Variants in ASCC3 observed in about 807,000 individuals in gnomAD.
The protein encoded by ASCC3 is activating signal cointegrator 1 complex subunit 3, also known as ASC-1 complex subunit P200.
In ASCC3, 158 loss-of-function variants were observed where a neutral mutation model predicts 256.3. That is an observed-to-expected ratio of 0.62 (90% CI 0.54 to 0.70). The LOEUF (loss-of-function observed/expected upper bound fraction) is 0.70. Ranked by LOEUF, ASCC3 falls within the 30% of genes least tolerant of loss-of-function variation. The probability of loss-of-function intolerance (pLI) is 0.00; values close to 1 mark genes in which losing one functional copy is unlikely to be tolerated. For missense variants in ASCC3, 2,259 were observed against 2,626.0 expected, an observed-to-expected ratio of 0.86 and a Z score of 3.05; for synonymous variants, 948 against 883.4, an observed-to-expected ratio of 1.07 and a Z score of -1.30.
At chr6:100,564,820 T>C (rs1770146575) in intron 36 of ASCC3, among the ~76,000 whole-genome samples, 1 of 152,064 alleles carries the variant, frequency 6.6e-6, no homozygotes, top group Admixed American at 6.6e-5. Context: ...CTAGAGGAAC[T>C]AACTAGGAAA....
chr6:100,773,799 A>G (rs1782048916), intron 8 of ASCC3, among the ~76,000 whole-genome samples: 1 of 152,190 alleles, frequency 6.6e-6, no homozygotes, highest in South Asian at 2.1e-4. Context: ...AAAAAGAACT[A>G]TAATTAAATG....
chr6:100,715,330 A>G (rs1779040356), intron 13 of ASCC3, 132 bp downstream of exon 13: 1 of 716,584 alleles, frequency 1.4e-6, no homozygotes, highest in East Asian at 2.8e-5. Context: ...ATTAAGAATT[A>G]GAACCTCTGA....
intron 10 of ASCC3, among the ~76,000 whole-genome samples, chr6:100,754,853 T>C (rs1033927059): frequency 5.9e-5 from 9 of 152,064 alleles, no homozygotes; most frequent in Admixed American, 5.9e-4. Context: ...AGTGAATAAG[T>C]CTCACGAGAT....
At position 100,661,835 on chromosome 6, in the gene ASCC3, C is replaced by G. The variant is rs754074640; in HGVS notation, c.2674G>C (p.Glu892Gln). 4.3e-6 allele frequency: 7 copies of G among 1,613,162 alleles called. No individual in the cohort carries two copies. Among genetic ancestry groups the G allele is most frequent in the Middle Eastern group, 1.7e-4 (1 of 6,060 alleles). Residue 892 changes from glutamate to glutamine, a missense_variant, in exon 16 of 42, where the codon GAA (glutamate) becomes CAA (glutamine). By Grantham distance (29) the Glu-to-Gln change is conservative. This residue lies in a region of ASCC3 where 1,839 missense variants were observed against 2,206.7 expected (regional missense o/e 0.83). Transcript: ENST00000369162. ...GCATTTAGGTTATCTGCAAGGCTTT[C>G]CAGAAACTGACTCTCAATTGGGTTT... The part of the protein sequence containing the change: ...QRNPIESQFL[E>Q]SLADNLNAEI...
intron 4 of ASCC3, among the ~76,000 whole-genome samples, chr6:100,838,232 A>G (rs1382085037): frequency 6.6e-6 from 1 of 152,068 alleles, no homozygotes; most frequent in Non-Finnish European, 1.5e-5. Context: ...ATTTTAAAAT[A>G]TGCATATTGA....
chr6:100,825,034 A>G lies in ASCC3; in HGVS notation c.802-19154T>C, dbSNP rs1190805805. 2.6e-5 allele frequency among the ~76,000 whole-genome samples: 4 copies of G among 152,180 alleles called. No homozygotes were observed. In the East Asian group the frequency reaches 5.8e-4, roughly 22 times the overall value. ...ATTCCAAAGGATGCTACAATGATTG[A>G]ACCATATTTATTGAGTTTTGAATTA... On this transcript the variant is annotated intron_variant, in intron 4 of 41. Coordinates refer to ENST00000369162, the MANE Select transcript of ASCC3 (RefSeq NM_006828.4).
At chr6:100,646,041 T>C (rs1775363446) in intron 22 of ASCC3, among the ~76,000 whole-genome samples, 1 of 152,048 alleles carries the variant, frequency 6.6e-6, no homozygotes, top group Non-Finnish European at 1.5e-5. Context: ...AGATGAAAAA[T>C]GGCTCTTTTT....
intron 13 of ASCC3, among the ~76,000 whole-genome samples, chr6:100,704,977 G>GC (rs1778513935): frequency 1.3e-5 from 2 of 151,990 alleles, no homozygotes; most frequent in Non-Finnish European, 2.9e-5. Context: ...TTCCCATTCT[G>GC]CAAGTTACAC....
chr6:100,606,620 G>A, intron 32 of ASCC3, 120 bp downstream of exon 32: 7 of 1,160,806 alleles, frequency 6.0e-6, no homozygotes, highest in Non-Finnish European at 7.2e-6. Flanking sequence ...CTTATCATCT[G>A]TTTAAATGTG....
chr6:100,754,020 C>A (rs1238737024), intron 10 of ASCC3, among the ~76,000 whole-genome samples: 3 of 152,082 alleles, frequency 2.0e-5, no homozygotes, highest in Non-Finnish European at 4.4e-5. Context: ...AATTCAAATT[C>A]CTACTATTTA....
chr6:100,509,609 G>A (rs2114595890), intron 41 of ASCC3, 76 bp from the exon 42 acceptor site: 1 of 1,418,138 alleles, frequency 7.1e-7, no homozygotes, highest in East Asian at 2.5e-5. Context: ...TCAGAACTTT[G>A]GTAGTAGGAG....
chr6:100,719,793 T>A (rs1582752373), intron 11 of ASCC3, among the ~76,000 whole-genome samples: 2 of 152,014 alleles, frequency 1.3e-5, no homozygotes, highest in East Asian at 3.9e-4. Context: ...AGACAGTATA[T>A]TTCTATGATG....
intron 13 of ASCC3, among the ~76,000 whole-genome samples, chr6:100,698,084 T>G (rs1001865595): frequency 6.6e-6 from 1 of 152,152 alleles, no homozygotes; most frequent in Non-Finnish European, 1.5e-5. Flanking sequence ...TGTAGATGTC[T>G]GTATTTGCAA....
In ASCC3 at chr6:100,772,640, ACATCTGAGAGTAC is replaced by A. The variant is rs1562286275; in HGVS notation, c.1396-5308_1396-5296del. On this transcript the variant is annotated intron_variant, in intron 8 of 41. Transcript: ENST00000369162. ...AGAAGCTCTTAGGCAGGCCAATTAA[ACATCTGAGAGTAC>A]CACTGATACTTTCTTCACCAATTTC... 2.6e-5 allele frequency among the ~76,000 whole-genome samples: 4 copies of A among 152,288 alleles called. No homozygotes were observed. In the East Asian group the frequency reaches 7.7e-4, roughly 29 times the overall value.
intron 10 of ASCC3, among the ~76,000 whole-genome samples, 191 bp downstream of exon 10, chr6:100,766,374 G>T (rs1781655665): frequency 6.6e-6 from 1 of 152,150 alleles, no homozygotes; most frequent in African/African-American, 2.4e-5. Context: ...GGAGTTAGAA[G>T]GGATACCAGA....
intron 36 of ASCC3, among the ~76,000 whole-genome samples, chr6:100,543,099 C>G (rs1025789127): frequency 1.4e-4 from 22 of 152,052 alleles, no homozygotes; most frequent in African/African-American, 5.3e-4. Flanking sequence ...TTCCAGGACC[C>G]CCTACAGATA....
intron 29 of ASCC3, among the ~76,000 whole-genome samples, chr6:100,627,305 C>T (rs1254775645): frequency 6.6e-6 from 1 of 152,098 alleles, no homozygotes; most frequent in Non-Finnish European, 1.5e-5. Flanking sequence ...GTCCAAGCTA[C>T]TATCATAAAA....
At chr6:100,744,709 C>T (rs765766621) in intron 10 of ASCC3, among the ~76,000 whole-genome samples, 4 of 152,048 alleles carry the variant, frequency 2.6e-5, no homozygotes, top group African/African-American at 4.8e-5. Context: ...TAATCATATA[C>T]ACTCTGATTT....
At chr6:100,824,302 C>T (rs532813072) in intron 4 of ASCC3, among the ~76,000 whole-genome samples, 2 of 152,090 alleles carry the variant, frequency 1.3e-5, no homozygotes, top group African/African-American at 2.4e-5. Flanking sequence ...ATAAAACTTA[C>T]AAAAGTTTTG....
Sources: allele counts gnomAD v4.1 joint callset (sites outside exome capture counted in the v4.1 genomes callset), GRCh38; gene constraint gnomAD v4.1.1; regional missense constraint gnomAD v4.1.1; transcripts MANE v1.5; gene names NCBI Gene and HGNC (gene_info 2026-07-23, HGNC 2026-07-21).